The following LDLRAD4 variants were observed in gnomAD, a reference collection of about 807,000 sequenced individuals.
The protein encoded by LDLRAD4 is low-density lipoprotein receptor class A domain-containing protein 4.
LDLRAD4 carries 5 observed loss-of-function variants against 17.0 expected under a neutral mutation model. That is an observed-to-expected ratio of 0.29 (90% CI 0.15 to 0.62). The LOEUF (loss-of-function observed/expected upper bound fraction) is 0.62. LDLRAD4 is among the 20% of genes least tolerant of loss of function. The pLI is 0.84. For synonymous variants in LDLRAD4, 168 were observed against 171.8 expected, an observed-to-expected ratio of 0.98 and a Z score of 0.17; for missense variants, 340 against 424.7, an observed-to-expected ratio of 0.80 and a Z score of 1.75.
chr18:13,278,273 G>A (rs2045018091), intron 1 of LDLRAD4, 85 bp downstream of exon 2: 1 of 152,360 alleles, frequency 6.6e-6, no homozygotes, highest in African/African-American at 2.4e-5. Context: ...TGCAGTGGTG[G>A]ACCTGTCTGG....
At chr18:13,329,163 G>C (rs1048289263) in intron 1 of LDLRAD4, among the ~76,000 whole-genome samples, 1 of 152,170 alleles carries the variant, frequency 6.6e-6, no homozygotes, top group African/African-American at 2.4e-5. Context: ...GCATTTGTAG[G>C]ATACATTCCC....
chr18:13,577,079 A>AG (rs1555751113), intron 3 of LDLRAD4, among the ~76,000 whole-genome samples: 1 of 150,282 alleles, frequency 6.7e-6, no homozygotes, highest in Non-Finnish European at 1.5e-5. Context: ...GCGGTTTAGC[A>AG]TTTTTTTTTT....
chr18:13,350,131 T>G (rs1367723640), intron 1 of LDLRAD4, among the ~76,000 whole-genome samples: 1 of 152,212 alleles, frequency 6.6e-6, no homozygotes, highest in Non-Finnish European at 1.5e-5. Flanking sequence ...TTTATATTTC[T>G]TTGGGTATAT....
At chr18:13,485,968 GC>G (rs2093212860) in intron 3 of LDLRAD4, among the ~76,000 whole-genome samples, 1 of 152,218 alleles carries the variant, frequency 6.6e-6, no homozygotes, top group Admixed American at 6.5e-5. Context: ...AAAGGGTAAA[GC>G]TTTATTCATT....
chr18:13,433,251 A>G (rs2090457184), intron 2 of LDLRAD4, among the ~76,000 whole-genome samples: 1 of 152,226 alleles, frequency 6.6e-6, no homozygotes, highest in African/African-American at 2.4e-5. Context: ...ACCCGTACAG[A>G]GAGCAGGTTC....
intron 1 of LDLRAD4, among the ~76,000 whole-genome samples, chr18:13,363,104 G>A (rs2083788680): frequency 6.6e-6 from 1 of 152,146 alleles, no homozygotes; most frequent in East Asian, 1.9e-4. Context: ...GCAGAGGCGG[G>A]CGGATCACGA....
rs890684452 is a variant in LDLRAD4 at position 13,620,999 on chromosome 18, A to G, written c.182-118A>G. The G allele has an allele frequency of 1.3e-5, 18 of 1,396,188 alleles. No homozygotes were observed. The African/African-American group carries it at 1.8e-4, about 14-fold the overall frequency. 86.5% of individuals were successfully genotyped at this position (1,396,188 alleles called of 1,614,324 possible). A position where few individuals can be genotyped will look rare whatever the true frequency, so the allele number is the denominator to read the frequency against. On this transcript the variant is annotated intron_variant, in intron 3 of 5. Coordinates refer to ENST00000359446, the Ensembl canonical transcript of LDLRAD4. ...CGTTTCTGTGTCCTGCTGGCCTCTGAGGAACAGACGTGTGTGAGAGGCCTT... is the reference window on the plus strand; with the variant it reads ...CGTTTCTGTGTCCTGCTGGCCTCTGGGGAACAGACGTGTGTGAGAGGCCTT...
At chr18:13,492,558 C>T (rs1271049845) in intron 3 of LDLRAD4, among the ~76,000 whole-genome samples, 2 of 152,204 alleles carry the variant, frequency 1.3e-5, no homozygotes, top group Non-Finnish European at 2.9e-5. Context: ...CTGGCCTCAT[C>T]AAAAAGGCCA....
intron 2 of LDLRAD4, among the ~76,000 whole-genome samples, chr18:13,428,304 G>A (rs1460765282): frequency 6.6e-6 from 1 of 152,094 alleles, no homozygotes; most frequent in African/African-American, 2.4e-5. Context: ...GAAAGTGAGG[G>A]AGTTGGCTGA....
At chr18:13,644,375 T>C (rs2149002736) in intron 5 of LDLRAD4, among the ~76,000 whole-genome samples, 1 of 130,200 alleles carries the variant, frequency 7.7e-6, no homozygotes, top group East Asian at 2.2e-4. Flanking sequence ...AAGACAAGCC[T>C]ATGCAACATG....
intron 3 of LDLRAD4, among the ~76,000 whole-genome samples, chr18:13,439,733 G>A (rs2090905060): frequency 6.6e-6 from 1 of 152,232 alleles, no homozygotes; most frequent in Admixed American, 6.5e-5. Flanking sequence ...GGAAGAGGGA[G>A]GAAGGCTGCA....
chr18:13,434,002 A>G (rs1184939224), intron 2 of LDLRAD4, among the ~76,000 whole-genome samples: 1 of 152,174 alleles, frequency 6.6e-6, no homozygotes, highest in Non-Finnish European at 1.5e-5. Context: ...CGGGTAAGTC[A>G]GGCATTATCC....
At chr18:13,545,942 A>C (rs1174516144) in intron 3 of LDLRAD4, among the ~76,000 whole-genome samples, 2 of 152,174 alleles carry the variant, frequency 1.3e-5, no homozygotes, top group Non-Finnish European at 2.9e-5. Flanking sequence ...CTAAGCCAAG[A>C]GGGAGTTTCT....
chr18:13,483,294 T>C (rs1185844577), intron 3 of LDLRAD4, among the ~76,000 whole-genome samples: 1 of 152,216 alleles, frequency 6.6e-6, no homozygotes, highest in Non-Finnish European at 1.5e-5. Flanking sequence ...TTTCTCACTG[T>C]GTTCTTGGGC....
chr18:13,340,659 A>G (rs368498310), intron 1 of LDLRAD4, among the ~76,000 whole-genome samples: 1 of 152,282 alleles, frequency 6.6e-6, no homozygotes, highest in East Asian at 1.9e-4. Flanking sequence ...ATTTGAAGAT[A>G]CTTTCTCCCA....
At chr18:13,248,422 C>T (rs986630061) in intron 1 of LDLRAD4, among the ~76,000 whole-genome samples, 1 of 152,256 alleles carries the variant, frequency 6.6e-6, no homozygotes, top group Non-Finnish European at 1.5e-5. Context: ...GCAGAGCTTT[C>T]TGTTTCTGTG....
intron 1 of LDLRAD4, among the ~76,000 whole-genome samples, chr18:13,226,672 C>T (rs756990746): frequency 6.7e-6 from 1 of 149,898 alleles, no homozygotes; most frequent in Non-Finnish European, 1.5e-5. Flanking sequence ...TGGATGATCT[C>T]AGTAGGTGGG....
At chr18:13,336,801 C>A (rs1160394885) in intron 1 of LDLRAD4, among the ~76,000 whole-genome samples, 2 of 151,648 alleles carry the variant, frequency 1.3e-5, no homozygotes, top group Non-Finnish European at 2.9e-5. Context: ...TCTTCCTCCC[C>A]CTCTCTCTCT....
chr18:13,549,933 T>TCTGAGCTG lies in LDLRAD4; in HGVS notation c.182-71182_182-71175dup, dbSNP rs1444441484. Among the ~76,000 whole-genome samples the TCTGAGCTG allele has an allele frequency of 7.9e-5, 12 of 152,340 alleles. No individual in the cohort carries two copies. In the East Asian group the frequency reaches 2.3e-3, roughly 29 times the overall value. On this transcript the variant is annotated intron_variant, in intron 3 of 5. Transcript: ENST00000359446. ...AAACTTGGGCAAGAGTCTTCATTTC[T>TCTGAGCTG]CTGAGCTGCATTTCTTCTGTATAAT...
Sources: allele counts gnomAD v4.1 joint callset (sites outside exome capture counted in the v4.1 genomes callset), GRCh38; gene constraint gnomAD v4.1.1; transcripts MANE v1.5; gene names NCBI Gene and HGNC (gene_info 2026-07-23, HGNC 2026-07-21).